Variants in CEP43 observed in about 807,000 individuals in gnomAD.
CEP43 encodes the protein centrosomal protein 43.
Under a neutral mutation model 52.6 loss-of-function variants are expected in CEP43, and 36 were observed. The observed-to-expected ratio is 0.68, with a 90% CI of 0.52 to 0.90. The LOEUF is 0.90. Among genes scored for constraint, CEP43 ranks in the 40% least tolerant of loss-of-function variants. The pLI is 0.00. For missense variants in CEP43, 506 were observed against 472.8 expected (o/e 1.07, Z -0.65); for synonymous variants, 192 against 172.4 (o/e 1.11, Z -0.89).
intron 6 of CEP43, among the ~76,000 whole-genome samples, chr6:167,011,909 G>T (rs746565055): frequency 1.8e-4 from 28 of 152,182 alleles, no homozygotes; most frequent in Non-Finnish European, 3.5e-4. Flanking sequence ...CACATTGAGG[G>T]TTAGGATTTC....
At chr6:167,025,541 G>A (rs953137009) in intron 9 of CEP43, among the ~76,000 whole-genome samples, 1 of 152,224 alleles carries the variant, frequency 6.6e-6, no homozygotes, top group African/African-American at 2.4e-5. Flanking sequence ...TTCAGAGCAC[G>A]TGTACCTCTT....
rs1383996828 is a variant in CEP43 at position 167,004,245 on chromosome 6, A to G, written c.301-19A>G. ...TTCTGCTATTTTTTTGTGCACTTGT[A>G]TTTTAACTTCTTTTCTAGCTGCAAG... On this transcript the variant is annotated intron_variant, in intron 4 of 12. Coordinates refer to ENST00000366847, the MANE Select transcript of CEP43 (RefSeq NM_007045.4). The G allele has an allele frequency of 6.3e-7, 1 of 1,587,344 alleles. No individual in the cohort carries two copies. The highest frequency in any genetic ancestry group is 8.5e-7 in the Non-Finnish European group (1 of 1,170,550).
chr6:167,034,049 C>A, intron 12 of CEP43, 78 bp downstream of exon 12: 1 of 586,728 alleles, frequency 1.7e-6, no homozygotes. Flanking sequence ...CTTCAAAATT[C>A]ATACTAATTA....
chr6:167,028,585 A>G (rs1583287532), intron 10 of CEP43: 6 of 705,518 alleles, frequency 8.5e-6, no homozygotes, highest in Non-Finnish European at 1.0e-5. Context: ...GACAGATGTT[A>G]GTGGACCAGC....
chr6:167,000,844 G>A (rs1421300212), intron 2 of CEP43, among the ~76,000 whole-genome samples: 1 of 152,138 alleles, frequency 6.6e-6, no homozygotes, highest in Admixed American at 6.5e-5. Flanking sequence ...TTGCCTTAAC[G>A]GTCATACGTG....
In CEP43 at chr6:167,027,355, C is replaced by T. The variant is rs1360267712; in HGVS notation, c.988+740C>T. 2.0e-5 allele frequency among the ~76,000 whole-genome samples: 3 copies of T among 152,114 alleles called. No individual in the cohort carries two copies. In the East Asian group the frequency reaches 5.8e-4, roughly 29 times the overall value. On this transcript the variant is annotated intron_variant, in intron 10 of 12. Transcript: ENST00000366847. ...GTGTGACAGGCATACTTTAGGCAAA[C>T]TCATTTATGTAAAGGCAAACTTGGT...
In CEP43 at chr6:167,041,166, T is replaced by G. The variant is rs1780687203; in HGVS notation, c.*1188T>G. The G allele has an allele frequency of 9.6e-7, 1 of 1,046,206 alleles. No homozygotes were observed. The highest frequency in any genetic ancestry group is 5.5e-5 in the Admixed American group (1 of 18,104). The allele number at this position is 1,046,206 out of a possible 1,614,324, so 64.8% of individuals were successfully genotyped here. On this transcript the variant is annotated 3_prime_UTR_variant, in exon 13 of 13. Coordinates refer to ENST00000366847, the MANE Select transcript of CEP43 (RefSeq NM_007045.4). ...AAGGAGCAAATTAGACCTAATTCAT[T>G]GATCTCGGTTAAGTGAGCAGACTGC...
At position 166,999,904 on chromosome 6, in the gene CEP43, G is replaced by A. The variant is rs116195362; in HGVS notation, c.103-156G>A. 2.0e-4 allele frequency: 124 copies of A among 606,908 alleles called. No individual in the cohort carries two copies. The African/African-American group carries it at 2.2e-3, about 11-fold the overall frequency. 37.6% of individuals were successfully genotyped at this position (606,908 alleles called of 1,614,324 possible). A position where few individuals can be genotyped will look rare whatever the true frequency, so the allele number is the denominator to read the frequency against. ...CCAGCCGAAGCCTGGGGGTCGGAGA[G>A]CTTGTGTGACTGAGAACGTTTCGGA... On this transcript the variant is annotated intron_variant, in intron 1 of 12. Transcript: ENST00000366847.
chr6:167,022,378 G>A lies in CEP43; in HGVS notation c.580-31G>A, dbSNP rs777381308. 6 of 1,454,670 alleles carry A rather than the reference G, an allele frequency of 4.1e-6. No individual in the cohort carries two copies. In the Admixed American group the frequency reaches 8.9e-5, roughly 21 times the overall value. 90.1% of individuals were successfully genotyped at this position (1,454,670 alleles called of 1,614,324 possible). On this transcript the variant is annotated intron_variant, in intron 7 of 12. Transcript: ENST00000366847. ...ATATCTTAAAGTTTTATCTCACCAA[G>A]GAGGCCTTTTCTCTTTCCCTCTCTT...
At chr6:167,002,334 C>T (rs962269227) in intron 2 of CEP43, among the ~76,000 whole-genome samples, 4 of 151,996 alleles carry the variant, frequency 2.6e-5, no homozygotes, top group Admixed American at 2.0e-4. Context: ...TAAATCATTT[C>T]ATTAATACAT....
At position 167,022,617 on chromosome 6, in the gene CEP43, C is replaced by T; in HGVS notation, c.788C>T (p.Pro263Leu). Reference protein sequence around the residue: ...DSFFDDPIPKPEKTYGLRKEP... With the variant: ...DSFFDDPIPKLEKTYGLRKEP... ...TTCTTTGATGATCCCATTCCTAAGC[C>T]AGAGAAAACTTACGGTTTGTGAGTA... The change falls in exon 8 of 13, where the codon CCA becomes CTA. Residue 263 changes from proline (P) to leucine (L), a missense_variant. Coordinates refer to ENST00000366847, the MANE Select transcript of CEP43 (RefSeq NM_007045.4). 1 of 1,613,170 alleles carries T rather than the reference C, an allele frequency of 6.2e-7. No individual in the cohort carries two copies. Among genetic ancestry groups the T allele is most frequent in the Non-Finnish European group, 8.5e-7 (1 of 1,179,268 alleles).
intron 7 of CEP43, among the ~76,000 whole-genome samples, 174 bp from the exon 8 acceptor site, chr6:167,022,235 G>T (rs1012071131): frequency 6.7e-6 from 1 of 149,776 alleles, no homozygotes; most frequent in Non-Finnish European, 1.5e-5. Context: ...TTGCTCTGCA[G>T]TTCACGCTGC....
Position 167,013,534 on chromosome 6 carries a change from G to GAAGAAGAC in CEP43, c.550_557dup (p.Ser186ArgfsTer48). On this transcript the variant is annotated frameshift_variant, in exon 7 of 13. Transcript: ENST00000366847. LOFTEE classifies it high-confidence loss of function. ...TACCAAGGTATAAAGGACAAGGTAAGAAGAAGACAAGCGGGCAGAAGGCTG... is the reference window on the plus strand; with the variant it reads ...TACCAAGGTATAAAGGACAAGGTAAGAAGAAGACAAGAAGACAAGCGGGCAGAAGGCTG... The GAAGAAGAC allele has an allele frequency of 6.2e-7, 1 of 1,613,686 alleles. No individual in the cohort carries two copies. Among genetic ancestry groups the GAAGAAGAC allele is most frequent in the South Asian group, 1.1e-5 (1 of 91,048 alleles).
chr6:167,004,274 T>A lies in CEP43; in HGVS notation c.311T>A (p.Leu104His). 1 of 1,604,446 alleles carries A rather than the reference T, an allele frequency of 6.2e-7. No homozygotes were observed. Among genetic ancestry groups the A allele is most frequent in the South Asian group, 1.1e-5 (1 of 88,730 alleles). ...FQPETSTLQG[L>H]EGRENLARDL... is the part of the protein sequence containing the mutation. ...TAACTTCTTTTCTAGCTGCAAGGTCTCGAAGGTCGAGAGAATTTAGCCCGA... is the reference window on the plus strand; with the variant it reads ...TAACTTCTTTTCTAGCTGCAAGGTCACGAAGGTCGAGAGAATTTAGCCCGA... The change falls in exon 5 of 13, where the codon CTC becomes CAC. Residue 104 changes from leucine (L) to histidine (H), a missense_variant. Transcript: ENST00000366847.
intron 6 of CEP43, among the ~76,000 whole-genome samples, chr6:167,011,930 C>T (rs1233967963): frequency 1.3e-5 from 2 of 152,166 alleles, no homozygotes; most frequent in Non-Finnish European, 2.9e-5. Flanking sequence ...AACATAGGAG[C>T]TGGGGGTTTG....
chr6:167,010,846 C>A lies in CEP43; in HGVS notation c.472C>A (p.Pro158Thr), dbSNP rs748543536. ...TGATCTATCTGATGTACATTCTCCACCAAAGTCACCAGAGGGAAAAACAAG... is the reference window on the plus strand; with the variant it reads ...TGATCTATCTGATGTACATTCTCCAACAAAGTCACCAGAGGGAAAAACAAG... ...ALDLSDVHSP[P>T]KSPEGKTSAQ... The change falls in exon 6 of 13, where the codon CCA (proline) becomes ACA (threonine). Residue 158 changes from proline to threonine, a missense_variant. By Grantham distance (38) the Pro-to-Thr change is conservative. Coordinates refer to ENST00000366847, the MANE Select transcript of CEP43 (RefSeq NM_007045.4). The A allele has an allele frequency of 6.3e-7, 1 of 1,596,480 alleles. No individual in the cohort carries two copies. The highest frequency in any genetic ancestry group is 8.5e-7 in the Non-Finnish European group (1 of 1,171,684).
At position 167,040,536 on chromosome 6, in the gene CEP43, G is replaced by C; in HGVS notation, c.*558G>C. The C allele has an allele frequency of 9.0e-7, 1 of 1,112,054 alleles. No homozygotes were observed. The highest frequency in any genetic ancestry group is 1.1e-6 in the Non-Finnish European group (1 of 906,356). 68.9% of individuals were successfully genotyped at this position (1,112,054 alleles called of 1,614,324 possible). A position where few individuals can be genotyped will look rare whatever the true frequency, so the allele number is the denominator to read the frequency against. Reference sequence around the variant, plus strand: ...GTATTTCCTTCCATTTGGAAGGTTTGTTAGACCATTAAGGTTATATTAAAG... The same window carrying C: ...GTATTTCCTTCCATTTGGAAGGTTTCTTAGACCATTAAGGTTATATTAAAG... On this transcript the variant is annotated 3_prime_UTR_variant, in exon 13 of 13. Coordinates refer to ENST00000366847, the MANE Select transcript of CEP43 (RefSeq NM_007045.4).
intron 7 of CEP43, among the ~76,000 whole-genome samples, chr6:167,018,267 G>A (rs539070863): frequency 1.5e-4 from 23 of 152,226 alleles, no homozygotes; most frequent in Middle Eastern, 3.4e-3. Context: ...TCCAAATAAG[G>A]TCACACTCTG....
chr6:167,009,851 A>AAAAG (rs955175089), intron 5 of CEP43, among the ~76,000 whole-genome samples: 12 of 146,166 alleles, frequency 8.2e-5, no homozygotes, highest in South Asian at 2.1e-4. Context: ...AAAGAAAAAT[A>AAAAG]AAAGAAAGAA....
Sources: allele counts gnomAD v4.1 joint callset (sites outside exome capture counted in the v4.1 genomes callset), GRCh38; gene constraint gnomAD v4.1.1; transcripts MANE v1.5; gene names NCBI Gene and HGNC (gene_info 2026-07-23, HGNC 2026-07-21).